BEGAIN: variants seen among roughly 807,000 people sequenced by gnomAD.
The protein encoded by BEGAIN is brain enriched guanylate kinase associated.
A neutral mutation model predicts 35.8 loss-of-function variants in BEGAIN; 19 were observed. The observed-to-expected ratio is 0.53, with a 90% CI of 0.37 to 0.78. BEGAIN has a LOEUF of 0.78. Ranked by LOEUF, BEGAIN falls within the 30% of genes least tolerant of loss-of-function variation. BEGAIN has a pLI of 0.00. For synonymous variants in BEGAIN, 462 were observed against 388.6 expected (o/e 1.19, Z -2.22); for missense variants, 795 against 853.6 (o/e 0.93, Z 0.85).
intron 1 of BEGAIN, among the ~76,000 whole-genome samples, chr14:100,570,331 G>T (rs745683486): frequency 5.3e-5 from 8 of 152,216 alleles, no homozygotes; most frequent in Non-Finnish European, 1.0e-4. Flanking sequence ...GGAGCAGTGG[G>T]GGCTGGGCAG....
In BEGAIN at chr14:100,573,386, C is replaced by T. The variant is rs2035132063; in HGVS notation, c.43-5447G>A. Among the ~76,000 whole-genome samples the T allele has an allele frequency of 6.6e-6, 1 of 152,054 alleles. No homozygotes were observed. Among genetic ancestry groups the T allele is most frequent in the African/African-American group, 2.4e-5 (1 of 41,392 alleles). On this transcript the variant is annotated intron_variant, in intron 1 of 6. Coordinates refer to ENST00000554140, the MANE Select transcript of BEGAIN (RefSeq NM_001385089.1). This position sits in a 1 kb window ranked among gnomAD's most constrained non-coding sequence, Gnocchi z 4.2. ...TGTGCCTGGTGAGTTGGGAAGCATC[C>T]CGGTCACCAGTGGGAAGGAGCAGCT...
At chr14:100,546,808 ACAC>A in intron 2 of BEGAIN, 146 bp from the exon 3 acceptor site, 1 of 582,134 alleles carries the variant, frequency 1.7e-6, no homozygotes, top group Non-Finnish European at 2.7e-6. Flanking sequence ...ACACACACAC[ACAC>A]ACTCACACAC....
rs1183514954 is a variant in BEGAIN at position 100,568,000 on chromosome 14, G to T, written c.43-61C>A. 16 of 1,358,292 alleles carry T rather than the reference G, an allele frequency of 1.2e-5. No individual in the cohort carries two copies. The highest frequency in any genetic ancestry group is 6.2e-5 in the African/African-American group (4 of 64,716). 84.1% of individuals were successfully genotyped at this position (1,358,292 alleles called of 1,614,324 possible). On this transcript the variant is annotated intron_variant, in intron 1 of 6. Transcript: ENST00000554140. The surrounding 1 kb of genome is among the most constrained non-coding windows in gnomAD (Gnocchi z 5.1). Reference sequence around the variant, plus strand: ...AGGCGTGCGCTCCGCGGCCGCGCCGGGCAGAGCCGGGCACAGCGGGCACGG... The same window carrying T: ...AGGCGTGCGCTCCGCGGCCGCGCCGTGCAGAGCCGGGCACAGCGGGCACGG...
At position 100,567,330 on chromosome 14, in the gene BEGAIN, G is replaced by A. The variant is rs891506176; in HGVS notation, c.71+581C>T. ...GTTTGGCACCGGGAGGGAGGCCGCGGGGGACACTCCCCAGAAGCTGTCGCG... is the reference window on the plus strand; with the variant it reads ...GTTTGGCACCGGGAGGGAGGCCGCGAGGGACACTCCCCAGAAGCTGTCGCG... On this transcript the variant is annotated intron_variant, in intron 2 of 6. Coordinates refer to ENST00000554140, the MANE Select transcript of BEGAIN (RefSeq NM_001385089.1). The surrounding 1 kb of genome is among the most constrained non-coding windows in gnomAD (Gnocchi z 5.1). Among the ~76,000 whole-genome samples the A allele has an allele frequency of 1.3e-5, 2 of 152,322 alleles. No homozygotes were observed. Among genetic ancestry groups the A allele is most frequent in the East Asian group, 3.9e-4 (2 of 5,170 alleles).
At chr14:100,554,260 C>T (rs2033488360) in intron 2 of BEGAIN, among the ~76,000 whole-genome samples, 1 of 152,204 alleles carries the variant, frequency 6.6e-6, no homozygotes, top group African/African-American at 2.4e-5. Flanking sequence ...GACGTCACGA[C>T]AGTGGGGTGG....
In BEGAIN at chr14:100,568,975, C is replaced by T; in HGVS notation, c.43-1036G>A. ...CCGCGTCCGCCGGGAGCGCGCTCCG[C>T]TCGGGTCCGGGCCCCACGCCGCCTC... On this transcript the variant is annotated intron_variant, in intron 1 of 6. Coordinates refer to ENST00000554140, the MANE Select transcript of BEGAIN (RefSeq NM_001385089.1). The surrounding 1 kb of genome is among the most constrained non-coding windows in gnomAD (Gnocchi z 7.5). The T allele has an allele frequency of 1.0e-6, 1 of 982,526 alleles. No homozygotes were observed. Among genetic ancestry groups the T allele is most frequent in the Non-Finnish European group, 1.2e-6 (1 of 828,472 alleles). The allele number at this position is 982,526 out of a possible 1,614,324, so 60.9% of individuals were successfully genotyped here. A position where few individuals can be genotyped will look rare whatever the true frequency, so the allele number is the denominator to read the frequency against.
At chr14:100,545,820 A>G (rs1241074097) in intron 3 of BEGAIN, among the ~76,000 whole-genome samples, 1 of 152,200 alleles carries the variant, frequency 6.6e-6, no homozygotes. Context: ...GAGAGGGACA[A>G]ACCCTCTCCC....
At position 100,537,857 on chromosome 14, in the gene BEGAIN, CGTT is replaced by C. The variant is rs1595099480; in HGVS notation, c.*109_*111del. On this transcript the variant is annotated 3_prime_UTR_variant, in exon 7 of 7. Transcript: ENST00000554140. ...GAGGTGCGGGGAGGAACAGACTCCT[CGTT>C]GTTGGCCGGGGCAGGGGAACAGCGG... 7.0e-7 allele frequency: 1 copy of C among 1,419,902 alleles called. No homozygotes were observed. The highest frequency in any genetic ancestry group is 1.4e-5 in the South Asian group (1 of 69,520). The allele number at this position is 1,419,902 out of a possible 1,614,324, so 88.0% of individuals were successfully genotyped here. A position where few individuals can be genotyped will look rare whatever the true frequency, so the allele number is the denominator to read the frequency against.
chr14:100,539,881 G>A (rs976925000), intron 6 of BEGAIN, among the ~76,000 whole-genome samples: 15 of 152,120 alleles, frequency 9.9e-5, no homozygotes, highest in African/African-American at 3.6e-4. Context: ...GATCTATTTT[G>A]TGAGTGTCTC....
At chr14:100,583,413 T>C (rs2035362958) in intron 1 of BEGAIN, among the ~76,000 whole-genome samples, 1 of 152,126 alleles carries the variant, frequency 6.6e-6, no homozygotes, top group Non-Finnish European at 1.5e-5. Context: ...TATCCATTCC[T>C]TCATCCATCC....
At chr14:100,545,330 G>A (rs2032225985) in intron 3 of BEGAIN, 3 of 1,329,248 alleles carry the variant, frequency 2.3e-6, no homozygotes, top group South Asian at 1.8e-5. Flanking sequence ...GATGGGAAGG[G>A]AAGGCTTGTT....
At chr14:100,564,055 CTGCT>C (rs1352134816) in intron 2 of BEGAIN, among the ~76,000 whole-genome samples, 3 of 150,742 alleles carry the variant, frequency 2.0e-5, no homozygotes, top group African/African-American at 7.3e-5. Flanking sequence ...GTCCCGGTGA[CTGCT>C]TGGAGTAGGA....
At chr14:100,541,266 C>G (rs923089003) in intron 5 of BEGAIN, among the ~76,000 whole-genome samples, 1 of 152,260 alleles carries the variant, frequency 6.6e-6, no homozygotes, top group Non-Finnish European at 1.5e-5. Context: ...TCCCGCCCCT[C>G]CGGGGTCCCC....
Position 100,567,917 on chromosome 14 carries a change from T to C in BEGAIN, c.65A>G (p.Lys22Arg). 1 of 1,467,538 alleles carries C rather than the reference T, an allele frequency of 6.8e-7. No individual in the cohort carries two copies. Among genetic ancestry groups the C allele is most frequent in the African/African-American group, 1.5e-5 (1 of 67,278 alleles). The allele number at this position is 1,467,538 out of a possible 1,614,324, so 90.9% of individuals were successfully genotyped here. ...CGGGAGACGCTCCACTCACCTGAGTTTCTCCATGTCTGCGGCAGAGGCCTG... is the reference window on the plus strand; with the variant it reads ...CGGGAGACGCTCCACTCACCTGAGTCTCTCCATGTCTGCGGCAGAGGCCTG... ...RRAASAADME[K>R]LSALQEQKGE... The change falls in exon 2 of 7, where the codon AAA becomes AGA. Residue 22 changes from lysine to arginine, a missense_variant. Lys to Arg is a conservative substitution (Grantham distance 26, BLOSUM62 2). Transcript: ENST00000554140. This position sits in a 1 kb window ranked among gnomAD's most constrained non-coding sequence, Gnocchi z 5.1.
chr14:100,547,877 T>TCCCCCTGGGGCCACCACTGTCCCCCAGC (rs2032740047), intron 2 of BEGAIN: 3 of 151,864 alleles, frequency 2.0e-5, no homozygotes, highest in Non-Finnish European at 4.4e-5. Flanking sequence ...AGGCTCCCAG[T>TCCCCCTGGGGCCACCACTGTCCCCCAGC]CCCCCTGGGG....
chr14:100,544,206 A>C (rs2032043763), intron 4 of BEGAIN, among the ~76,000 whole-genome samples: 1 of 152,176 alleles, frequency 6.6e-6, no homozygotes, highest in Admixed American at 6.5e-5. Context: ...CATGTGCAAC[A>C]CAGAGGTGAC....
intron 1 of BEGAIN, among the ~76,000 whole-genome samples, chr14:100,575,747 A>T (rs561831644): frequency 6.6e-6 from 1 of 152,246 alleles, no homozygotes; most frequent in South Asian, 2.1e-4. Context: ...TCCCGCTTCA[A>T]GGAGTCAAGC....
intron 6 of BEGAIN, chr14:100,540,199 C>T (rs965868402): frequency 8.7e-5 from 38 of 438,762 alleles, no homozygotes; most frequent in Non-Finnish European, 1.5e-4. Context: ...GCCGTGTCAG[C>T]GCTCAGTGGA....
At chr14:100,544,671 C>T (rs4074038) in intron 4 of BEGAIN, among the ~76,000 whole-genome samples, 65,236 of 151,906 alleles carry the variant, frequency 0.43, 14,513 homozygotes, top group East Asian at 0.63. Flanking sequence ...TGAATTCGGG[C>T]CTCCCTATCC....
Sources: allele counts gnomAD v4.1 joint callset (sites outside exome capture counted in the v4.1 genomes callset), GRCh38; gene constraint gnomAD v4.1.1; non-coding constraint Gnocchi (gnomAD v3.1); transcripts MANE v1.5; gene names NCBI Gene and HGNC (gene_info 2026-07-23, HGNC 2026-07-21).